Variants in LRRTM4 observed in about 807,000 individuals in gnomAD.
LRRTM4 encodes leucine-rich repeat transmembrane neuronal protein 4.
Under a neutral mutation model 47.6 loss-of-function variants are expected in LRRTM4, and 25 were observed. That is an observed-to-expected ratio of 0.53 (90% CI 0.38 to 0.73). LRRTM4 has a LOEUF of 0.73. Among genes scored for constraint, LRRTM4 ranks in the 30% least tolerant of loss-of-function variants. LRRTM4 has a pLI of 0.00. For synonymous variants in LRRTM4, 311 were observed against 269.5 expected (o/e 1.15, Z -1.51); for missense variants, 638 against 713.4 (o/e 0.89, Z 1.20).
chr2:77,185,383 G>A (rs552451377), intron 3 of LRRTM4, among the ~76,000 whole-genome samples: 2 of 152,038 alleles, frequency 1.3e-5, no homozygotes, highest in African/African-American at 4.8e-5. Context: ...TCATATTTTG[G>A]TCTCCATCCA....
rs535848089 is a variant in LRRTM4, at chr2:77,159,155, C to T, written c.1551+359163G>A. Among the ~76,000 whole-genome samples, 28 of 152,084 alleles carry T rather than the reference C, an allele frequency of 1.8e-4. 1 individual carries two copies. Among genetic ancestry groups the T allele is most frequent in the African/African-American group, 6.7e-4 (28 of 41,546 alleles). Reference sequence around the variant, plus strand: ...ATCTTATTTGGAAGAACAGCTGACACTTCACCAACAGGTGATTTAGCGGTG... The same window carrying T: ...ATCTTATTTGGAAGAACAGCTGACATTTCACCAACAGGTGATTTAGCGGTG... On this transcript the variant is annotated intron_variant, in intron 3 of 3. Transcript: ENST00000409884.
At chr2:76,879,544 T>C (rs969469475) in intron 3 of LRRTM4, among the ~76,000 whole-genome samples, 1 of 152,198 alleles carries the variant, frequency 6.6e-6, no homozygotes, top group Non-Finnish European at 1.5e-5. Context: ...TTACTGCTCA[T>C]TGGCAATGAA....
chr2:76,843,530 G>A (rs1180974257), intron 3 of LRRTM4, among the ~76,000 whole-genome samples: 2 of 152,140 alleles, frequency 1.3e-5, no homozygotes, highest in Admixed American at 6.5e-5. Flanking sequence ...TGAACAATTG[G>A]AAATTTCAAT....
intron 3 of LRRTM4, among the ~76,000 whole-genome samples, chr2:77,406,374 T>G (rs1674182866): frequency 6.6e-6 from 1 of 152,118 alleles, no homozygotes; most frequent in African/African-American, 2.4e-5. Flanking sequence ...CAGGCTGGAA[T>G]GCAGTGATGT....
chr2:77,159,351 A>G (rs1020469161), intron 3 of LRRTM4, among the ~76,000 whole-genome samples: 14 of 152,124 alleles, frequency 9.2e-5, no homozygotes, highest in East Asian at 1.9e-4. Flanking sequence ...TGTAAAAAAG[A>G]AAGTGTTATT....
At chr2:77,138,394 G>A (rs1240727579) in intron 3 of LRRTM4, among the ~76,000 whole-genome samples, 1 of 152,084 alleles carries the variant, frequency 6.6e-6, no homozygotes. Context: ...ACGAAATGAA[G>A]GCAGAAATAA....
chr2:77,473,740 T>C (rs1214016292), intron 3 of LRRTM4, among the ~76,000 whole-genome samples: 1 of 152,148 alleles, frequency 6.6e-6, no homozygotes, highest in African/African-American at 2.4e-5. Context: ...GCCAGGGGTA[T>C]TTAAGCCAAA....
In LRRTM4 at chr2:76,793,308, C is replaced by T. The variant is rs967311914; in HGVS notation, c.1552-44392G>A. On this transcript the variant is annotated intron_variant, in intron 3 of 3. Coordinates refer to ENST00000409884, the MANE Select transcript of LRRTM4 (RefSeq NM_001134745.3). ...AGGGTGTGGGTCATGGGTTAGCAAA[C>T]AAATGCCTCTGGCTATTCAATGACA... Among the ~76,000 whole-genome samples, 7 of 152,102 alleles carry T rather than the reference C, an allele frequency of 4.6e-5. No individual in the cohort carries two copies. In the South Asian group the frequency reaches 6.2e-4, roughly 14 times the overall value.
intron 3 of LRRTM4, among the ~76,000 whole-genome samples, chr2:77,165,332 A>T (rs1485904142): frequency 6.6e-6 from 1 of 152,118 alleles, no homozygotes; most frequent in African/African-American, 2.4e-5. Flanking sequence ...TAGCTTACCA[A>T]CCAAAAAAAG....
intron 3 of LRRTM4, among the ~76,000 whole-genome samples, chr2:76,832,659 A>C (rs1277410334): frequency 6.6e-6 from 1 of 152,098 alleles, no homozygotes; most frequent in Non-Finnish European, 1.5e-5. Context: ...GATTGAATCT[A>C]AATAACATTC....
intron 3 of LRRTM4, among the ~76,000 whole-genome samples, chr2:77,065,148 C>A (rs1327381746): frequency 1.3e-5 from 2 of 152,086 alleles, no homozygotes; most frequent in African/African-American, 4.8e-5. Context: ...TAATGCTCAT[C>A]AAAATCCTTT....
chr2:77,515,916 A>G (rs1382978776), intron 3 of LRRTM4, among the ~76,000 whole-genome samples: 1 of 151,866 alleles, frequency 6.6e-6, no homozygotes, highest in Non-Finnish European at 1.5e-5. Flanking sequence ...ATATCTACCT[A>G]TAACTGTAAT....
At chr2:76,843,162 G>A (rs1381589326) in intron 3 of LRRTM4, among the ~76,000 whole-genome samples, 2 of 152,216 alleles carry the variant, frequency 1.3e-5, no homozygotes, top group Admixed American at 1.3e-4. Flanking sequence ...GTAAATTTGA[G>A]TGAGGAGAAG....
At chr2:77,250,197 A>G (rs10198083) in intron 3 of LRRTM4, among the ~76,000 whole-genome samples, 104,504 of 152,074 alleles carry the variant, frequency 0.69, 36,568 homozygotes, top group African/African-American at 0.83. Flanking sequence ...AGTGCACAGA[A>G]GATGTGTAGG....
intron 3 of LRRTM4, among the ~76,000 whole-genome samples, chr2:77,299,985 G>A (rs1466336778): frequency 6.6e-6 from 1 of 151,302 alleles, no homozygotes; most frequent in Admixed American, 6.6e-5. Context: ...CGGAGTAACT[G>A]GGACTACAGG....
chr2:77,142,045 A>G (rs1475771069), intron 3 of LRRTM4, among the ~76,000 whole-genome samples: 1 of 152,172 alleles, frequency 6.6e-6, no homozygotes, highest in East Asian at 1.9e-4. Context: ...TTTAGTTACC[A>G]ACAGATTGCT....
chr2:77,114,566 G>C (rs1471102105), intron 3 of LRRTM4, among the ~76,000 whole-genome samples: 1 of 152,068 alleles, frequency 6.6e-6, no homozygotes, highest in African/African-American at 2.4e-5. Flanking sequence ...TTAGGAAAAA[G>C]AAAAACCATG....
chr2:76,910,375 T>C (rs1031244118), intron 3 of LRRTM4, among the ~76,000 whole-genome samples: 21 of 149,964 alleles, frequency 1.4e-4, no homozygotes, highest in South Asian at 8.7e-4. Flanking sequence ...AGGGATAACA[T>C]TGGGAGATAT....
chr2:76,798,518 C>A (rs1315129816), intron 3 of LRRTM4, among the ~76,000 whole-genome samples: 3 of 146,656 alleles, frequency 2.0e-5, no homozygotes, highest in African/African-American at 5.0e-5. Flanking sequence ...AAAATTGACA[C>A]CCTAACATCA....
Sources: gnomAD v4.1 joint callset for allele counts (sites outside exome capture counted in the v4.1 genomes callset) on GRCh38, gnomAD v4.1.1 for gene constraint, MANE v1.5 for transcripts, NCBI Gene and HGNC (gene_info 2026-07-23, HGNC 2026-07-21) for gene names.